MAP4K5: variants seen among roughly 807,000 people sequenced by gnomAD.
The protein encoded by MAP4K5 is mitogen-activated protein kinase kinase kinase kinase 5.
MAP4K5 carries 82 observed loss-of-function variants against 135.6 expected under a neutral mutation model. That is an observed-to-expected ratio of 0.60 (90% CI 0.51 to 0.73). The LOEUF is 0.73. MAP4K5 is among the 30% of genes least tolerant of loss of function. MAP4K5 has a pLI of 0.00. For synonymous variants in MAP4K5, 347 were observed against 335.0 expected, an observed-to-expected ratio of 1.04 and a Z score of -0.39; for missense variants, 907 against 1,010.9, an observed-to-expected ratio of 0.90 and a Z score of 1.39.
chr14:50,532,212 G>A (rs974799193), intron 1 of MAP4K5, 54 bp from the exon 2 acceptor site: 12 of 569,792 alleles, frequency 2.1e-5, no homozygotes, highest in Admixed American at 1.7e-4. Context: ...GACCCCCAGC[G>A]GCCCGCGCCC....
intron 2 of MAP4K5, among the ~76,000 whole-genome samples, chr14:50,506,953 A>C (rs893869939): frequency 9.2e-5 from 14 of 152,198 alleles, no homozygotes; most frequent in Non-Finnish European, 1.2e-4. Context: ...CCCTTGGGTC[A>C]TAAAAGGCTA....
chr14:50,466,490 G>T, intron 11 of MAP4K5, 93 bp downstream of exon 11: 1 of 591,122 alleles, frequency 1.7e-6, no homozygotes, highest in Non-Finnish European at 3.1e-6. Flanking sequence ...TAATGTCTAT[G>T]GACTTCTGTT....
chr14:50,492,315 T>G (rs2139964229), intron 3 of MAP4K5, among the ~76,000 whole-genome samples: 1 of 152,062 alleles, frequency 6.6e-6, no homozygotes, highest in South Asian at 2.1e-4. Context: ...AAATTTTGGC[T>G]GGGTGCAGAG....
intron 13 of MAP4K5, among the ~76,000 whole-genome samples, chr14:50,461,524 G>A (rs753055084): frequency 5.2e-4 from 79 of 152,240 alleles, no homozygotes; most frequent in Non-Finnish European, 5.3e-4. Flanking sequence ...GAGAGAAAGA[G>A]ACTGGTGAAA....
chr14:50,508,340 G>A (rs1271456342), intron 2 of MAP4K5, among the ~76,000 whole-genome samples: 2 of 152,098 alleles, frequency 1.3e-5, no homozygotes, highest in Non-Finnish European at 2.9e-5. Context: ...ATGATAGACT[G>A]GACTAAGAAA....
chr14:50,534,490 C>G (rs2038467557), upstream of MAP4K5, among the ~76,000 whole-genome samples: 1 of 152,188 alleles, frequency 6.6e-6, no homozygotes, highest in Non-Finnish European at 1.5e-5. Flanking sequence ...GACAAATATC[C>G]TGACAATCCT....
At chr14:50,546,880 C>T (rs919258292) in intron 1 of MAP4K5, among the ~76,000 whole-genome samples, 5 of 152,036 alleles carry the variant, frequency 3.3e-5, no homozygotes, top group Middle Eastern at 3.4e-3. Flanking sequence ...GGTACATGTG[C>T]GGAACATGCA....
intron 1 of MAP4K5, among the ~76,000 whole-genome samples, chr14:50,546,215 C>A (rs2038629858): frequency 6.6e-6 from 1 of 152,132 alleles, no homozygotes; most frequent in Admixed American, 6.5e-5. Context: ...TTGTCCACAG[C>A]CTTCACTGGA....
rs115542034 is a variant in MAP4K5, at chr14:50,464,782, C to T, written c.738-649G>A. 3.6e-3 allele frequency among the ~76,000 whole-genome samples: 548 copies of T among 152,326 alleles called. 3 individuals are homozygous for T. Among genetic ancestry groups the T allele is most frequent in the African/African-American group, 0.013 (526 of 41,580 alleles). On this transcript the variant is annotated intron_variant, in intron 11 of 32. Coordinates refer to ENST00000682126, the MANE Select transcript of MAP4K5 (RefSeq NM_006575.6). ...AAATAACCGTATTTATCAGCAATGA[C>T]AACCACCACACAGCAGTTCTCTGCA...
At chr14:50,468,877 GA>G (rs1172686620) in intron 9 of MAP4K5, 95 bp from the exon 10 acceptor site, 92 of 1,133,446 alleles carry the variant, frequency 8.1e-5, no homozygotes, top group Non-Finnish European at 1.0e-4. Context: ...TGGAGGGAAG[GA>G]AGCTGAGAGG....
At chr14:50,420,990 G>A (rs2035716984) in intron 32 of MAP4K5, among the ~76,000 whole-genome samples, 1 of 151,920 alleles carries the variant, frequency 6.6e-6, no homozygotes, top group Non-Finnish European at 1.5e-5. Context: ...AGTTTCTAGA[G>A]GAGGAATGGG....
chr14:50,452,437 T>C (rs148885039), intron 14 of MAP4K5, among the ~76,000 whole-genome samples: 94 of 152,272 alleles, frequency 6.2e-4, no homozygotes, highest in African/African-American at 2.0e-3. Flanking sequence ...GCTCATTAAC[T>C]CTATGAACCA....
chr14:50,453,929 G>C (rs2036545304), intron 14 of MAP4K5, among the ~76,000 whole-genome samples: 1 of 152,118 alleles, frequency 6.6e-6, no homozygotes, highest in South Asian at 2.1e-4. Flanking sequence ...GGTGGTCTTA[G>C]ACTGATTGGG....
chr14:50,479,159 T>C (rs2037177911), intron 6 of MAP4K5, among the ~76,000 whole-genome samples: 1 of 149,954 alleles, frequency 6.7e-6, no homozygotes, highest in Non-Finnish European at 1.5e-5. Context: ...CGTTTCCCTT[T>C]TTTCTCTTTG....
At chr14:50,428,825 G>T in intron 29 of MAP4K5, 71 bp from the exon 30 acceptor site, 3 of 741,894 alleles carry the variant, frequency 4.0e-6, no homozygotes, top group South Asian at 3.5e-5. Flanking sequence ...GATATATGTG[G>T]ATTTTACATG....
At chr14:50,423,252 G>A (rs2035772687) in intron 31 of MAP4K5, 76 bp from the exon 32 acceptor site, 2 of 619,206 alleles carry the variant, frequency 3.2e-6, no homozygotes, top group South Asian at 2.3e-5. Flanking sequence ...TTAATTTAGA[G>A]CAATTATTAA....
At chr14:50,545,765 C>T (rs917348461) in intron 1 of MAP4K5, among the ~76,000 whole-genome samples, 16 of 152,140 alleles carry the variant, frequency 1.1e-4, no homozygotes, top group African/African-American at 3.9e-4. Flanking sequence ...GTTGGAACTC[C>T]TGTAGCTTAT....
chr14:50,523,124 C>T (rs1457722856), intron 2 of MAP4K5, among the ~76,000 whole-genome samples: 2 of 152,062 alleles, frequency 1.3e-5, no homozygotes, highest in African/African-American at 2.4e-5. Context: ...CCAGCCTGAC[C>T]AACATGGAGA....
intron 30 of MAP4K5, among the ~76,000 whole-genome samples, chr14:50,427,645 A>G (rs2035875115): frequency 6.6e-6 from 1 of 152,206 alleles, no homozygotes; most frequent in African/African-American, 2.4e-5. Flanking sequence ...GAATCATATC[A>G]TGAAATGTTT....
Sources: gnomAD v4.1 joint callset for allele counts (sites outside exome capture counted in the v4.1 genomes callset) on GRCh38, gnomAD v4.1.1 for gene constraint, MANE v1.5 for transcripts, NCBI Gene and HGNC (gene_info 2026-07-23, HGNC 2026-07-21) for gene names.